TENM1: variants seen among roughly 807,000 people sequenced by gnomAD.
TENM1 encodes teneurin-1.
Under a neutral mutation model 174.8 loss-of-function variants are expected in TENM1, and 35 were observed. The ratio of observed to expected loss-of-function variants is 0.20; its 90% CI spans 0.15 to 0.27. The LOEUF is 0.27. TENM1 is among the 10% of genes least tolerant of loss of function. The pLI, the probability that TENM1 is intolerant of heterozygous loss-of-function variation, is 1.00. For synonymous variants in TENM1, 781 were observed against 798.7 expected, an observed-to-expected ratio of 0.98 and a Z score of 0.37; for missense variants, 1,633 against 2,130.1, an observed-to-expected ratio of 0.77 and a Z score of 4.59.
intron 3 of TENM1, among the ~76,000 whole-genome samples, chrX:124,742,817 G>A (rs1482650982): frequency 9.1e-6 from 1 of 110,489 alleles, no homozygotes; most frequent in Non-Finnish European, 1.9e-5. Context: ...TAATCTACAC[G>A]TGCAAAGAAC....
intron 3 of TENM1, among the ~76,000 whole-genome samples, chrX:124,822,968 G>C (rs903451036): frequency 3.6e-5 from 4 of 112,337 alleles, no homozygotes; most frequent in Middle Eastern, 4.6e-3. Flanking sequence ...GGAAAGTAAT[G>C]GATGATAGCT....
intron 11 of TENM1, among the ~76,000 whole-genome samples, chrX:124,594,060 C>G (rs1318976422): frequency 8.9e-6 from 1 of 112,262 alleles, no homozygotes; most frequent in Non-Finnish European, 1.9e-5. Flanking sequence ...TGCAGCTTTT[C>G]CTGGTATCTT....
chrX:124,654,391 T>C (rs1481916879), intron 6 of TENM1, among the ~76,000 whole-genome samples: 1 of 112,610 alleles, frequency 8.9e-6, no homozygotes, highest in Non-Finnish European at 1.9e-5. Context: ...CGTCGGTATA[T>C]TCCCAGTACC....
chrX:125,027,929 T>C, the TENM1 span, among the ~76,000 whole-genome samples: 1 of 112,061 alleles, frequency 8.9e-6, no homozygotes, highest in African/African-American at 3.2e-5. Flanking sequence ...TGTGGACCTA[T>C]AGCATTGTGC....
At chrX:124,926,762 G>T (rs748943018) in intron 1 of TENM1, among the ~76,000 whole-genome samples, 26 of 111,991 alleles carry the variant, frequency 2.3e-4, no homozygotes, top group African/African-American at 7.8e-4. Context: ...TGCTGTACTG[G>T]AACTTGAATT....
At chrX:125,044,436 A>T in the TENM1 span, among the ~76,000 whole-genome samples, 2 of 108,519 alleles carry the variant, frequency 1.8e-5, no homozygotes, top group East Asian at 2.9e-4. Flanking sequence ...AAAAATTTTT[A>T]AAAATTAGCC....
chrX:125,089,400 T>C, the TENM1 span, among the ~76,000 whole-genome samples: 2 of 111,800 alleles, frequency 1.8e-5, no homozygotes, highest in Admixed American at 9.5e-5. Context: ...TGCTTAAAAT[T>C]GAAAAGCAGA....
At chrX:124,417,333 C>A (rs993016598) in intron 25 of TENM1, among the ~76,000 whole-genome samples, 1 of 111,009 alleles carries the variant, frequency 9.0e-6, no homozygotes, top group Non-Finnish European at 1.9e-5. Context: ...CCTCAGGCCT[C>A]CCAAGTAGCT....
At chrX:124,640,736 G>A (rs777708087) in intron 11 of TENM1, among the ~76,000 whole-genome samples, 31 of 110,547 alleles carry the variant, frequency 2.8e-4, no homozygotes, top group Middle Eastern at 4.2e-3. Flanking sequence ...CAAGGCAGGC[G>A]GATCACGAGG....
chrX:125,044,181 GGA>G, the TENM1 span, among the ~76,000 whole-genome samples: 1 of 29,646 alleles, frequency 3.4e-5, no homozygotes, highest in African/African-American at 1.0e-4. Flanking sequence ...AATAAAAAAA[GGA>G]AAAAAAAAAG....
chrX:125,034,632 T>G, the TENM1 span, among the ~76,000 whole-genome samples: 1 of 112,190 alleles, frequency 8.9e-6, no homozygotes. Flanking sequence ...CACTCACATC[T>G]TAGTTTTGAT....
chrX:124,917,942 C>T (rs1365661873), intron 1 of TENM1, among the ~76,000 whole-genome samples: 2 of 112,028 alleles, frequency 1.8e-5, no homozygotes, highest in Non-Finnish European at 3.8e-5. Context: ...AGCTTTGTCC[C>T]TAGAAATGAA....
intron 8 of TENM1, 59 bp from the exon 12 acceptor site, chrX:124,646,869 T>G: frequency 1.2e-6 from 1 of 868,034 alleles, no homozygotes; most frequent in Non-Finnish European, 1.6e-6. Context: ...GTAGAGTCTT[T>G]ATTTTTTTTT....
the TENM1 span, among the ~76,000 whole-genome samples, chrX:125,014,039 T>C: frequency 1.8e-5 from 2 of 111,715 alleles, no homozygotes; most frequent in Non-Finnish European, 3.8e-5. Flanking sequence ...CCTTCCTCCT[T>C]TAAACCTAAT....
At chrX:124,581,476 T>C (rs1404255916) in intron 11 of TENM1, among the ~76,000 whole-genome samples, 1 of 112,343 alleles carries the variant, frequency 8.9e-6, no homozygotes, top group African/African-American at 3.2e-5. Flanking sequence ...TCTCTGTTAC[T>C]GTGAGTAGTG....
the TENM1 span, among the ~76,000 whole-genome samples, chrX:125,062,649 T>A: frequency 8.9e-6 from 1 of 112,298 alleles, no homozygotes; most frequent in Admixed American, 9.4e-5. Context: ...CCAGAAATAA[T>A]AACAGAATCC....
chrX:124,584,275 C>A (rs1398383402), intron 11 of TENM1, among the ~76,000 whole-genome samples: 7 of 109,429 alleles, frequency 6.4e-5, no homozygotes, highest in Admixed American at 1.9e-4. Context: ...ATGTTAAGGG[C>A]AGCCAGAGAG....
chrX:125,042,626 T>C, the TENM1 span, among the ~76,000 whole-genome samples: 2 of 111,386 alleles, frequency 1.8e-5, no homozygotes, highest in African/African-American at 3.3e-5. Flanking sequence ...GCCTTAACTC[T>C]ATAGAAGGAA....
chrX:124,734,310 C>T (rs981613027), intron 4 of TENM1, among the ~76,000 whole-genome samples: 2 of 110,685 alleles, frequency 1.8e-5, no homozygotes, highest in Non-Finnish European at 3.8e-5. Flanking sequence ...ATTAGCTGGG[C>T]GTGGTGGCAT....
Sources: allele counts gnomAD v4.1 joint callset (sites outside exome capture counted in the v4.1 genomes callset), GRCh38; gene constraint gnomAD v4.1.1; transcripts MANE v1.5; gene names NCBI Gene and HGNC (gene_info 2026-07-23, HGNC 2026-07-21).